Variants in DPP10 observed in about 807,000 individuals in gnomAD.
DPP10 encodes inactive dipeptidyl peptidase 10.
DPP10 carries 33 observed loss-of-function variants against 120.9 expected under a neutral mutation model. The observed-to-expected ratio is 0.27, with a 90% CI of 0.21 to 0.37. The LOEUF is 0.37. Ranked by LOEUF, DPP10 falls within the 10% of genes least tolerant of loss-of-function variation. The probability of loss-of-function intolerance (pLI) is 1.00; values close to 1 mark genes in which losing one functional copy is unlikely to be tolerated. For missense variants in DPP10, 816 were observed against 942.8 expected (o/e 0.87, Z 1.76); for synonymous variants, 337 against 326.1 (o/e 1.03, Z -0.36).
At chr2:115,189,506 G>T (rs2054710152) in intron 1 of DPP10, among the ~76,000 whole-genome samples, 1 of 152,174 alleles carries the variant, frequency 6.6e-6, no homozygotes, top group Admixed American at 6.5e-5. Context: ...CTTTAAAATG[G>T]AGCATCAAAG....
intron 1 of DPP10, among the ~76,000 whole-genome samples, chr2:114,779,709 C>A (rs560359262): frequency 6.6e-6 from 1 of 152,132 alleles, no homozygotes; most frequent in East Asian, 1.9e-4. Context: ...CCCAACCTTG[C>A]GCTAAAGTAA....
intron 1 of DPP10, among the ~76,000 whole-genome samples, chr2:114,880,334 T>C (rs1006723841): frequency 2.6e-5 from 4 of 152,164 alleles, no homozygotes; most frequent in Non-Finnish European, 5.9e-5. Context: ...ATCACATTTT[T>C]ATTCTATTTT....
Position 115,529,459 on chromosome 2 carries a change from GTTT to G in DPP10, c.441+3502_441+3504del, listed in dbSNP as rs3043862. On this transcript the variant is annotated intron_variant, in intron 5 of 25. Coordinates refer to ENST00000410059, the MANE Select transcript of DPP10 (RefSeq NM_020868.6). Reference sequence around the variant, plus strand: ...TGAGCCAACATGCCTGGTGGCAAAAGTTTTTTTTTTTTTTTTTAATTCAGTTTC... The same window carrying G: ...TGAGCCAACATGCCTGGTGGCAAAAGTTTTTTTTTTTTTTAATTCAGTTTC... 5.4e-3 allele frequency among the ~76,000 whole-genome samples: 794 copies of G among 146,098 alleles called. 5 individuals carry two copies. The highest frequency in any genetic ancestry group is 6.8e-3 in the Non-Finnish European group (454 of 66,728).
intron 5 of DPP10, among the ~76,000 whole-genome samples, chr2:115,670,710 C>A (rs1044902700): frequency 6.6e-6 from 1 of 152,078 alleles, no homozygotes; most frequent in African/African-American, 2.4e-5. Context: ...ACTATGTATT[C>A]ATTTGTCATT....
At chr2:114,627,761 G>A (rs1285058905) in intron 1 of DPP10, among the ~76,000 whole-genome samples, 1 of 152,100 alleles carries the variant, frequency 6.6e-6, no homozygotes, top group Non-Finnish European at 1.5e-5. Context: ...AACTCCCTAG[G>A]TAGCATTTTG....
At chr2:115,344,916 C>T (rs556561669) in intron 3 of DPP10, among the ~76,000 whole-genome samples, 1 of 152,266 alleles carries the variant, frequency 6.6e-6, no homozygotes, top group Admixed American at 6.5e-5. Flanking sequence ...TACTTACAGT[C>T]CATTCCTTCC....
Position 115,053,425 on chromosome 2 carries a change from A to G in DPP10, c.61-255814A>G, listed in dbSNP as rs1705662999. The stretch of plus-strand genomic sequence containing the variant: ...ATGTCCAGAATAAATAGACAAATTC[A>G]TGGAGACATAAAGCAGATTAGTGGT... On this transcript the variant is annotated intron_variant, in intron 1 of 25. Coordinates refer to ENST00000410059, the MANE Select transcript of DPP10 (RefSeq NM_020868.6). Among the ~76,000 whole-genome samples the G allele has an allele frequency of 2.0e-5, 3 of 152,362 alleles. No individual in the cohort carries two copies. The South Asian group carries it at 6.2e-4, about 32-fold the overall frequency.
rs529995406 is a variant in DPP10 at position 115,088,809 on chromosome 2, A to T, written c.61-220430A>T. On this transcript the variant is annotated intron_variant, in intron 1 of 25. Transcript: ENST00000410059. ...AAACCTTAAAACTAAACAATTTTTTAAAAAATATAATGAATTTATATTAAT... is the reference window on the plus strand; with the variant it reads ...AAACCTTAAAACTAAACAATTTTTTTAAAAATATAATGAATTTATATTAAT... 2.9e-3 allele frequency among the ~76,000 whole-genome samples: 434 copies of T among 151,268 alleles called. 3 individuals carry two copies. The highest frequency in any genetic ancestry group is 9.8e-3 in the African/African-American group (407 of 41,382).
At chr2:114,701,740 C>A (rs1700395935) in intron 1 of DPP10, among the ~76,000 whole-genome samples, 1 of 152,020 alleles carries the variant, frequency 6.6e-6, no homozygotes, top group Non-Finnish European at 1.5e-5. Context: ...GGGGGGTGGG[C>A]AGTCCAGGAA....
intron 1 of DPP10, among the ~76,000 whole-genome samples, chr2:115,244,411 T>C (rs2058438936): frequency 6.6e-6 from 1 of 151,898 alleles, no homozygotes; most frequent in South Asian, 2.1e-4. Flanking sequence ...TAAAAATGTT[T>C]CTGGCATTAT....
intron 1 of DPP10, among the ~76,000 whole-genome samples, chr2:114,962,722 T>C (rs1698736885): frequency 6.6e-6 from 1 of 152,214 alleles, no homozygotes; most frequent in Non-Finnish European, 1.5e-5. Context: ...CCTATTAGCA[T>C]AATCTACTTA....
chr2:115,559,476 C>A (rs1417290636), intron 5 of DPP10, among the ~76,000 whole-genome samples: 1 of 152,052 alleles, frequency 6.6e-6, no homozygotes, highest in Admixed American at 6.5e-5. Flanking sequence ...TAATTAAAGT[C>A]ATTCTTAATT....
intron 5 of DPP10, among the ~76,000 whole-genome samples, chr2:115,571,148 G>C (rs1280023854): frequency 6.6e-6 from 1 of 152,178 alleles, no homozygotes; most frequent in East Asian, 1.9e-4. Context: ...GATCTATGGA[G>C]ATATTAAGTA....
At chr2:115,775,328 A>G (rs1314655135) in intron 13 of DPP10, among the ~76,000 whole-genome samples, 4 of 152,088 alleles carry the variant, frequency 2.6e-5, no homozygotes, top group South Asian at 2.1e-4. Flanking sequence ...AGTTGAATCT[A>G]TAAGAGCTGT....
At chr2:115,623,475 A>G (rs554418504) in intron 5 of DPP10, among the ~76,000 whole-genome samples, 1 of 152,336 alleles carries the variant, frequency 6.6e-6, no homozygotes, top group African/African-American at 2.4e-5. Flanking sequence ...ATATTTATTT[A>G]ACAAGTTATT....
At chr2:115,712,543 A>ATTTATATATATATATATATATAT (rs56675119) in intron 7 of DPP10, among the ~76,000 whole-genome samples, 1 of 64,276 alleles carries the variant, frequency 1.6e-5, no homozygotes, top group Non-Finnish European at 2.9e-5. Context: ...TCCTGAATTA[A>ATTTATATATATATATATATATAT]ATATATATAT....
chr2:115,828,616 C>T (rs1688617625), intron 21 of DPP10, among the ~76,000 whole-genome samples: 1 of 151,958 alleles, frequency 6.6e-6, no homozygotes, highest in South Asian at 2.1e-4. Context: ...CTTCATTCTT[C>T]AAGGTAGCAA....
At chr2:115,644,267 C>T (rs1024791769) in intron 5 of DPP10, among the ~76,000 whole-genome samples, 1 of 152,082 alleles carries the variant, frequency 6.6e-6, no homozygotes, top group African/African-American at 2.4e-5. Flanking sequence ...CACCCATTAA[C>T]TTGTCATTTA....
At chr2:115,804,073 A>G (rs1472100766) in intron 19 of DPP10, among the ~76,000 whole-genome samples, 3 of 152,202 alleles carry the variant, frequency 2.0e-5, no homozygotes, top group Non-Finnish European at 4.4e-5. Flanking sequence ...TACACCAATC[A>G]GACGTAGATT....
Sources: allele counts gnomAD v4.1 joint callset (sites outside exome capture counted in the v4.1 genomes callset), GRCh38; gene constraint gnomAD v4.1.1; transcripts MANE v1.5; gene names NCBI Gene and HGNC (gene_info 2026-07-23, HGNC 2026-07-21).